The following ATP8A1 variants were observed in gnomAD, a reference collection of about 807,000 sequenced individuals.
ATP8A1 encodes phospholipid-transporting ATPase IA.
Under a neutral mutation model 177.7 loss-of-function variants are expected in ATP8A1, and 90 were observed. The ratio of observed to expected loss-of-function variants is 0.51; its 90% confidence interval spans 0.43 to 0.60. The LOEUF (loss-of-function observed/expected upper bound fraction) is 0.60. Among genes scored for constraint, ATP8A1 ranks in the 20% least tolerant of loss-of-function variants. The pLI, the probability that ATP8A1 is intolerant of heterozygous loss-of-function variation, is 0.00. For missense variants in ATP8A1, 1,072 were observed against 1,392.8 expected, an observed-to-expected ratio of 0.77 and a Z score of 3.67; for synonymous variants, 493 against 485.9, an observed-to-expected ratio of 1.01 and a Z score of -0.19.
intron 23 of ATP8A1, 125 bp downstream of exon 23, chr4:42,506,891 G>A: frequency 8.5e-7 from 1 of 1,173,648 alleles, no homozygotes; most frequent in African/African-American, 1.5e-5. Flanking sequence ...GGTGAAAAAA[G>A]ATTGGAATAT....
chr4:42,518,036 A>T lies in ATP8A1; in HGVS notation c.1947+4124T>A, dbSNP rs570511902. On this transcript the variant is annotated intron_variant, in intron 22 of 36. Coordinates refer to ENST00000381668, the MANE Select transcript of ATP8A1 (RefSeq NM_006095.2). Reference sequence around the variant, plus strand: ...AACCAAAGGATAAATGCCTTGTTGTATATTTTTGGTCTATTTGGATATTTT... The same window carrying T: ...AACCAAAGGATAAATGCCTTGTTGTTTATTTTTGGTCTATTTGGATATTTT... 8.7e-4 allele frequency among the ~76,000 whole-genome samples: 133 copies of T among 152,242 alleles called. 1 individual carries two copies. The highest frequency in any genetic ancestry group is 3.0e-3 in the African/African-American group (124 of 41,512).
chr4:42,513,615 C>T (rs1161873185), intron 22 of ATP8A1, among the ~76,000 whole-genome samples: 1 of 152,042 alleles, frequency 6.6e-6, no homozygotes, highest in Non-Finnish European at 1.5e-5. Flanking sequence ...TGAGAAGCTG[C>T]CATTCAGTCA....
chr4:42,470,590 C>T (rs376053023), intron 25 of ATP8A1, among the ~76,000 whole-genome samples: 1 of 152,050 alleles, frequency 6.6e-6, no homozygotes, highest in Admixed American at 6.5e-5. Flanking sequence ...AAAATTCTTA[C>T]ATATACACAA....
Position 42,551,231 on chromosome 4 carries a change from A to G in ATP8A1, c.1569T>C (p.Thr523=). Residue 523 remains threonine (T), a synonymous_variant, in exon 18 of 37, where the codon ACT becomes ACC. Coordinates refer to ENST00000381668, the MANE Select transcript of ATP8A1 (RefSeq NM_006095.2). Reference sequence around the variant, plus strand: ...TAATCACCGAGTCGGGTGTTCTTCCAGTGAAAACAAAATTCAATTGCTTGG... The same window carrying G: ...TAATCACCGAGTCGGGTGTTCTTCCGGTGAAAACAAAATTCAATTGCTTGG... The part of the protein sequence containing the change: ...RAAKQLNFVF[T]GRTPDSVIID... 6.2e-7 allele frequency: 1 copy of G among 1,613,940 alleles called. No homozygotes were observed. Among genetic ancestry groups the G allele is most frequent in the Non-Finnish European group, 8.5e-7 (1 of 1,179,888 alleles).
At position 42,412,855 on chromosome 4, in the gene ATP8A1, G is replaced by C; in HGVS notation, c.*61C>G. Reference sequence around the variant, plus strand: ...AGACTGGAATTGGTTAGCAGACTGCGGTGACAACCTGGTAGCTCTCCTTAG... The same window carrying C: ...AGACTGGAATTGGTTAGCAGACTGCCGTGACAACCTGGTAGCTCTCCTTAG... On this transcript the variant is annotated 3_prime_UTR_variant, in exon 37 of 37. Transcript: ENST00000381668. 1.4e-6 allele frequency: 2 copies of C among 1,440,434 alleles called. No individual in the cohort carries two copies. Among genetic ancestry groups the C allele is most frequent in the Non-Finnish European group, 1.9e-6 (2 of 1,027,444 alleles). 89.2% of individuals were successfully genotyped at this position (1,440,434 alleles called of 1,614,324 possible).
At chr4:42,451,324 C>T (rs1283299931) in intron 30 of ATP8A1, among the ~76,000 whole-genome samples, 1 of 152,150 alleles carries the variant, frequency 6.6e-6, no homozygotes, top group East Asian at 1.9e-4. Flanking sequence ...TTGAAGCAGG[C>T]ACGCTGAATG....
At chr4:42,420,721 TA>T (rs1236694301) in intron 35 of ATP8A1, among the ~76,000 whole-genome samples, 1 of 152,012 alleles carries the variant, frequency 6.6e-6, no homozygotes, top group East Asian at 1.9e-4. Flanking sequence ...GGCCTTTCCC[TA>T]ATAATTACGA....
intron 33 of ATP8A1, among the ~76,000 whole-genome samples, chr4:42,428,373 T>C (rs1714868495): frequency 6.6e-6 from 1 of 152,206 alleles, no homozygotes; most frequent in African/African-American, 2.4e-5. Flanking sequence ...TCTTCCTTGG[T>C]ACAAGCTATT....
chr4:42,538,194 C>T (rs1184238437), intron 20 of ATP8A1, among the ~76,000 whole-genome samples: 1 of 152,142 alleles, frequency 6.6e-6, no homozygotes, highest in Non-Finnish European at 1.5e-5. Flanking sequence ...ACAAATGGTG[C>T]TGGGATAGTT....
intron 22 of ATP8A1, among the ~76,000 whole-genome samples, chr4:42,515,450 A>G (rs1171772327): frequency 1.3e-5 from 2 of 152,174 alleles, no homozygotes; most frequent in African/African-American, 4.8e-5. Context: ...AATCCTCTAA[A>G]CCATTTGTTG....
intron 15 of ATP8A1, 43 bp from the exon 16 acceptor site, chr4:42,556,083 C>T (rs1426315495): frequency 1.5e-6 from 2 of 1,363,316 alleles, no homozygotes; most frequent in Non-Finnish European, 1.0e-6. Flanking sequence ...TCATTTATAC[C>T]AGCCCACTGA....
At chr4:42,543,295 T>C (rs1728590364) in intron 20 of ATP8A1, among the ~76,000 whole-genome samples, 1 of 152,026 alleles carries the variant, frequency 6.6e-6, no homozygotes. Flanking sequence ...ATAAACTAGG[T>C]AAATGGAAAG....
In ATP8A1 at chr4:42,643,837, C is replaced by A. The variant is rs1373041741; in HGVS notation, c.49+12988G>T. Reference sequence around the variant, plus strand: ...AAGTGACATGCTCAAGGCCGCACAGCTTTGAAGGGCCAGAACACACATATC... The same window carrying A: ...AAGTGACATGCTCAAGGCCGCACAGATTTGAAGGGCCAGAACACACATATC... On this transcript the variant is annotated intron_variant, in intron 1 of 36. Transcript: ENST00000381668. Among the ~76,000 whole-genome samples, 4 of 152,278 alleles carry A rather than the reference C, an allele frequency of 2.6e-5. No individual in the cohort carries two copies. In the East Asian group the frequency reaches 7.7e-4, roughly 29 times the overall value.
chr4:42,609,263 T>A (rs1353004153), intron 5 of ATP8A1, among the ~76,000 whole-genome samples: 1 of 152,140 alleles, frequency 6.6e-6, no homozygotes, highest in East Asian at 1.9e-4. Flanking sequence ...AAACTCTAGG[T>A]GTGAGTCCCA....
chr4:42,478,366 C>CA (rs1322449684), intron 25 of ATP8A1, among the ~76,000 whole-genome samples: 1 of 151,486 alleles, frequency 6.6e-6, no homozygotes, highest in African/African-American at 2.4e-5. Context: ...GACTCCATCT[C>CA]AAAAAAAATT....
At chr4:42,643,533 T>C (rs1363504599) in intron 1 of ATP8A1, among the ~76,000 whole-genome samples, 1 of 152,186 alleles carries the variant, frequency 6.6e-6, no homozygotes. Context: ...AACAAATCTG[T>C]TGGATCTATC....
intron 6 of ATP8A1, among the ~76,000 whole-genome samples, chr4:42,595,851 C>T (rs987920739): frequency 6.6e-5 from 10 of 152,176 alleles, no homozygotes; most frequent in Non-Finnish European, 1.5e-4. Flanking sequence ...AACATCTTTA[C>T]TCATTGTAAG....
At position 42,642,636 on chromosome 4, in the gene ATP8A1, A is replaced by G. The variant is rs1025923783; in HGVS notation, c.49+14189T>C. Among the ~76,000 whole-genome samples the G allele has an allele frequency of 2.6e-5, 4 of 152,222 alleles. No individual in the cohort carries two copies. The East Asian group carries it at 7.7e-4, about 29-fold the overall frequency. On this transcript the variant is annotated intron_variant, in intron 1 of 36. Transcript: ENST00000381668. ...GATTGCCGCACGCCCTACTCAATCC[A>G]CAGGTAGAACAAAAACGATGCGAGG...
At chr4:42,581,258 C>T (rs1382902446) in intron 10 of ATP8A1, among the ~76,000 whole-genome samples, 5 of 152,112 alleles carry the variant, frequency 3.3e-5, no homozygotes, top group Non-Finnish European at 4.4e-5. Context: ...CTCAGCCTCC[C>T]GAGTAGCTGG....
Sources: gnomAD v4.1 joint callset for allele counts (sites outside exome capture counted in the v4.1 genomes callset) on GRCh38, gnomAD v4.1.1 for gene constraint, MANE v1.5 for transcripts, NCBI Gene and HGNC (gene_info 2026-07-23, HGNC 2026-07-21) for gene names.